The following NFIB variants were observed in gnomAD, a reference collection of about 807,000 sequenced individuals.
NFIB encodes the protein nuclear factor 1 B-type.
In NFIB, 11 loss-of-function variants were observed where a neutral mutation model predicts 61.5. The ratio of observed to expected loss-of-function variants is 0.18; its 90% CI spans 0.11 to 0.30. NFIB has a LOEUF of 0.30. NFIB is among the 10% of genes least tolerant of loss of function. The probability of loss-of-function intolerance (pLI) is 1.00; values close to 1 mark genes in which losing one functional copy is unlikely to be tolerated. For missense variants in NFIB, 471 were observed against 608.9 expected (o/e 0.77, Z 2.38); for synonymous variants, 260 against 216.5 (o/e 1.20, Z -1.76).
At chr9:14,184,847 C>A (rs531315365) in intron 2 of NFIB, among the ~76,000 whole-genome samples, 1 of 152,146 alleles carries the variant, frequency 6.6e-6, no homozygotes, top group South Asian at 2.1e-4. Flanking sequence ...GTGGTGAAAC[C>A]CCGTCTCTAC....
intron 10 of NFIB, among the ~76,000 whole-genome samples, chr9:14,098,297 C>A (rs1393434120): frequency 6.6e-6 from 1 of 152,186 alleles, no homozygotes; most frequent in African/African-American, 2.4e-5. Flanking sequence ...CACATACAAC[C>A]ACTCACTTGT....
chr9:14,110,913 T>G (rs993434574), intron 10 of NFIB, among the ~76,000 whole-genome samples: 4 of 152,114 alleles, frequency 2.6e-5, no homozygotes, highest in African/African-American at 9.6e-5. Context: ...CAGCACTAAC[T>G]CTTTCATTAC....
chr9:14,094,103 T>C (rs966903529), intron 10 of NFIB: 1 of 152,070 alleles, frequency 6.6e-6, no homozygotes, highest in Non-Finnish European at 1.5e-5. Context: ...GTATTGCTAT[T>C]AAATTGTAGA....
Position 14,148,396 on chromosome 9 carries a change from G to A in NFIB, c.807-1589C>T, listed in dbSNP as rs577467720. Among the ~76,000 whole-genome samples, 180 of 152,100 alleles carry A rather than the reference G, an allele frequency of 1.2e-3. 4 individuals are homozygous for A. Among genetic ancestry groups the A allele is most frequent in the Middle Eastern group, 3.4e-3 (1 of 294 alleles). ...CCCAAAGTACTGGGAATCCAGCTGT[G>A]AGTCACTGTGCCCAGTGAATATTTT... On this transcript the variant is annotated intron_variant, in intron 5 of 10. Coordinates refer to ENST00000380953, the MANE Select transcript of NFIB (RefSeq NM_001190737.2).
rs1347958702 is a variant in NFIB, at chr9:14,085,080, C to A, written c.*3229G>T. The stretch of plus-strand genomic sequence containing the variant: ...CTTGGCTGAGATGATCTGTTTGCTA[C>A]CAGGGCGAGTATCACAGAAATGATT... On this transcript the variant is annotated 3_prime_UTR_variant, in exon 11 of 11. Coordinates refer to ENST00000380953, the MANE Select transcript of NFIB (RefSeq NM_001190737.2). 2 of 228,848 alleles carry A rather than the reference C, an allele frequency of 8.7e-6. No homozygotes were observed. Among genetic ancestry groups the A allele is most frequent in the East Asian group, 6.3e-5 (1 of 15,976 alleles). The allele number at this position is 228,848 out of a possible 1,614,324, so 14.2% of individuals were successfully genotyped here. A position where few individuals can be genotyped will look rare whatever the true frequency, so the allele number is the denominator to read the frequency against.
At chr9:14,500,511 G>C in the NFIB span, among the ~76,000 whole-genome samples, 1 of 152,134 alleles carries the variant, frequency 6.6e-6, no homozygotes, top group South Asian at 2.1e-4. Flanking sequence ...ATGTGGATCA[G>C]TTCCCTCTTT....
At chr9:14,192,366 A>AGCTT (rs2048038865) in intron 2 of NFIB, among the ~76,000 whole-genome samples, 1 of 152,186 alleles carries the variant, frequency 6.6e-6, no homozygotes, top group Non-Finnish European at 1.5e-5. Context: ...ATATTATGCA[A>AGCTT]ACTTAATTCC....
At chr9:14,454,459 T>A in the NFIB span, among the ~76,000 whole-genome samples, 4 of 152,250 alleles carry the variant, frequency 2.6e-5, no homozygotes, top group Non-Finnish European at 5.9e-5. Flanking sequence ...CTTGCCTAGT[T>A]AATTTTTGTT....
intron 5 of NFIB, among the ~76,000 whole-genome samples, chr9:14,147,780 T>C (rs1367824345): frequency 2.6e-5 from 4 of 151,522 alleles, no homozygotes; most frequent in African/African-American, 7.3e-5. Flanking sequence ...TAGCTTGAAC[T>C]ATAGGTGCCT....
chr9:14,494,765 C>T, the NFIB span, among the ~76,000 whole-genome samples: 1 of 152,164 alleles, frequency 6.6e-6, no homozygotes, highest in African/African-American at 2.4e-5. Flanking sequence ...AGGCACTCCC[C>T]TTGCTTCTCC....
the NFIB span, among the ~76,000 whole-genome samples, chr9:14,508,087 A>T: frequency 6.6e-6 from 1 of 150,988 alleles, no homozygotes. Flanking sequence ...CATATATAAT[A>T]TTAATATATA....
At chr9:14,252,839 C>A (rs1478245703) in intron 2 of NFIB, among the ~76,000 whole-genome samples, 2 of 151,980 alleles carry the variant, frequency 1.3e-5, no homozygotes, top group Non-Finnish European at 2.9e-5. Context: ...AAATATTGCA[C>A]CCATGACGGT....
intron 1 of NFIB, among the ~76,000 whole-genome samples, chr9:14,383,369 C>T (rs1205111052): frequency 1.3e-5 from 2 of 152,120 alleles, no homozygotes; most frequent in Admixed American, 6.5e-5. Flanking sequence ...GATCTGTTTG[C>T]CTCCTGGGTT....
chr9:14,368,471 G>T (rs893862638), intron 1 of NFIB, among the ~76,000 whole-genome samples: 1 of 152,172 alleles, frequency 6.6e-6, no homozygotes, highest in Non-Finnish European at 1.5e-5. Flanking sequence ...TGTAGCTACG[G>T]ACAGGGCCAC....
At chr9:14,136,848 T>C (rs2041104595) in intron 6 of NFIB, among the ~76,000 whole-genome samples, 1 of 152,208 alleles carries the variant, frequency 6.6e-6, no homozygotes, top group Non-Finnish European at 1.5e-5. Context: ...ATGATTACTC[T>C]GCACAATATT....
intron 4 of NFIB, among the ~76,000 whole-genome samples, chr9:14,150,873 C>G (rs970057987): frequency 6.6e-6 from 1 of 151,862 alleles, no homozygotes; most frequent in Non-Finnish European, 1.5e-5. Context: ...GTGATGGATA[C>G]CCCATTTACC....
the NFIB span, among the ~76,000 whole-genome samples, chr9:14,470,373 T>C: frequency 6.6e-6 from 1 of 152,186 alleles, no homozygotes; most frequent in Non-Finnish European, 1.5e-5. Context: ...GCCATATTTG[T>C]GAGCTTTCAA....
chr9:14,207,552 C>A (rs527365077), intron 2 of NFIB, among the ~76,000 whole-genome samples: 1 of 152,304 alleles, frequency 6.6e-6, no homozygotes, highest in South Asian at 2.1e-4. Flanking sequence ...AGGGCCAGCT[C>A]GGCATGAGCA....
At chr9:14,197,121 C>T (rs1187320936) in intron 2 of NFIB, among the ~76,000 whole-genome samples, 3 of 152,292 alleles carry the variant, frequency 2.0e-5, no homozygotes, top group East Asian at 3.9e-4. Flanking sequence ...TTTGCAATCC[C>T]GAAATAGGTT....
Sources: allele counts gnomAD v4.1 joint callset (sites outside exome capture counted in the v4.1 genomes callset), GRCh38; gene constraint gnomAD v4.1.1; transcripts MANE v1.5; gene names NCBI Gene and HGNC (gene_info 2026-07-23, HGNC 2026-07-21).